Variants in PACRG observed in about 807,000 individuals in gnomAD.
PACRG encodes the protein parkin coregulated, also known as parkin coregulated gene protein.
A neutral mutation model predicts 29.7 loss-of-function variants in PACRG; 29 were observed. The observed-to-expected ratio is 0.98, with a 90% CI of 0.73 to 1.33. The LOEUF is 1.33. Among genes scored for constraint, PACRG ranks in the 40% most tolerant of loss-of-function variants. The pLI is 0.00. For missense variants in PACRG, 279 were observed against 316.2 expected (o/e 0.88, Z 0.89); for synonymous variants, 116 against 118.7 (o/e 0.98, Z 0.15).
chr6:163,176,781 A>G (rs911236376), intron 4 of PACRG, among the ~76,000 whole-genome samples: 2 of 152,256 alleles, frequency 1.3e-5, no homozygotes, highest in African/African-American at 4.8e-5. Context: ...AGGCTAAGGA[A>G]ATAGCGTGAG....
intron 1 of PACRG, among the ~76,000 whole-genome samples, chr6:162,810,591 A>C (rs1271942734): frequency 6.6e-6 from 1 of 152,188 alleles, no homozygotes; most frequent in Non-Finnish European, 1.5e-5. Context: ...TCAGAAAAGA[A>C]ATAGACGATA....
At chr6:163,230,464 T>G (rs1347885223) in intron 4 of PACRG, among the ~76,000 whole-genome samples, 1 of 151,962 alleles carries the variant, frequency 6.6e-6, no homozygotes, top group Non-Finnish European at 1.5e-5. Flanking sequence ...TTCCTCCTCC[T>G]ATTTTAAGTT....
intron 2 of PACRG, among the ~76,000 whole-genome samples, chr6:163,018,200 A>G (rs923399960): frequency 6.6e-6 from 1 of 152,090 alleles, no homozygotes; most frequent in Non-Finnish European, 1.5e-5. Context: ...CAAACATTCT[A>G]CTTTTTACAT....
chr6:162,782,178 A>T (rs1480368269), intron 1 of PACRG, among the ~76,000 whole-genome samples: 2 of 151,934 alleles, frequency 1.3e-5, no homozygotes, highest in Admixed American at 1.3e-4. Flanking sequence ...GGATCATTAC[A>T]TCGGAATAAA....
At chr6:162,879,140 A>G (rs1793617614) in intron 2 of PACRG, among the ~76,000 whole-genome samples, 1 of 152,188 alleles carries the variant, frequency 6.6e-6, no homozygotes, top group Non-Finnish European at 1.5e-5. Flanking sequence ...TCTCTATCAA[A>G]TCACAAGAAC....
intron 4 of PACRG, among the ~76,000 whole-genome samples, chr6:163,264,865 T>C (rs1393793846): frequency 6.6e-6 from 1 of 152,114 alleles, no homozygotes; most frequent in African/African-American, 2.4e-5. Context: ...GAAACGAGTC[T>C]TTCGCAAGTA....
At chr6:162,794,065 T>G (rs1785171588) in intron 1 of PACRG, among the ~76,000 whole-genome samples, 1 of 152,182 alleles carries the variant, frequency 6.6e-6, no homozygotes, top group South Asian at 2.1e-4. Flanking sequence ...GTTTCCAAAG[T>G]GTATCCATTT....
At chr6:162,998,191 A>G (rs768853372) in intron 2 of PACRG, among the ~76,000 whole-genome samples, 8 of 152,204 alleles carry the variant, frequency 5.3e-5, no homozygotes, top group Non-Finnish European at 1.2e-4. Context: ...CACCCAGGTG[A>G]ACGATTTTCT....
intron 2 of PACRG, among the ~76,000 whole-genome samples, chr6:162,907,380 A>G (rs981752989): frequency 5.9e-5 from 9 of 152,184 alleles, no homozygotes; most frequent in Non-Finnish European, 1.2e-4. Context: ...GAAATTAAAC[A>G]ATTTTTCTTT....
At chr6:162,982,387 G>A (rs1219352077) in intron 2 of PACRG, among the ~76,000 whole-genome samples, 1 of 151,810 alleles carries the variant, frequency 6.6e-6, no homozygotes, top group Non-Finnish European at 1.5e-5. Context: ...CTTGAGGTGT[G>A]ATGTTAAATT....
At chr6:162,950,368 C>T (rs955228201) in intron 2 of PACRG, among the ~76,000 whole-genome samples, 3 of 152,124 alleles carry the variant, frequency 2.0e-5, no homozygotes, top group African/African-American at 7.2e-5. Flanking sequence ...ATTAGCCGGG[C>T]GTGGTGGCGA....
At chr6:162,798,870 A>T (rs1785602068) in intron 1 of PACRG, among the ~76,000 whole-genome samples, 1 of 152,250 alleles carries the variant, frequency 6.6e-6, no homozygotes, top group Non-Finnish European at 1.5e-5. Context: ...ATACAAGTAT[A>T]TGGAATGCCT....
chr6:162,863,071 TGG>T (rs2128443618), intron 2 of PACRG, among the ~76,000 whole-genome samples: 1 of 152,032 alleles, frequency 6.6e-6, no homozygotes, highest in South Asian at 2.1e-4. Context: ...CAGTATAGAG[TGG>T]AAAAAGCCTG....
chr6:163,062,569 A>G (rs1811184821), intron 3 of PACRG, among the ~76,000 whole-genome samples: 1 of 152,214 alleles, frequency 6.6e-6, no homozygotes, highest in Admixed American at 6.5e-5. Flanking sequence ...AATGCCTCAC[A>G]GTAATGACAT....
At chr6:162,843,166 T>C in intron 2 of PACRG, among the ~76,000 whole-genome samples, 1 of 133,382 alleles carries the variant, frequency 7.5e-6, no homozygotes, top group Non-Finnish European at 1.6e-5. Context: ...TTGGGGAAGT[T>C]CTCCTGGATA....
intron 4 of PACRG, among the ~76,000 whole-genome samples, chr6:163,202,594 G>A (rs941536128): frequency 3.3e-5 from 5 of 152,142 alleles, no homozygotes; most frequent in African/African-American, 1.2e-4. Flanking sequence ...TCTGTTCTCA[G>A]AGTTCAAAGA....
At chr6:162,976,487 T>A (rs893494651) in intron 2 of PACRG, among the ~76,000 whole-genome samples, 4 of 152,130 alleles carry the variant, frequency 2.6e-5, no homozygotes, top group African/African-American at 9.7e-5. Flanking sequence ...CAGGTTCTTA[T>A]AATGAATGAG....
intron 2 of PACRG, among the ~76,000 whole-genome samples, chr6:163,034,797 C>A (rs1482673167): frequency 6.6e-6 from 1 of 152,112 alleles, no homozygotes; most frequent in Non-Finnish European, 1.5e-5. Flanking sequence ...ATCCAGACCC[C>A]AAGAGAGGGT....
intron 1 of PACRG, among the ~76,000 whole-genome samples, chr6:162,803,129 A>G (rs1207794932): frequency 1.3e-5 from 2 of 152,124 alleles, no homozygotes; most frequent in African/African-American, 4.8e-5. Context: ...GAAGGATCAA[A>G]CCCCACTTCA....
Sources: gnomAD v4.1 joint callset for allele counts (sites outside exome capture counted in the v4.1 genomes callset) on GRCh38, gnomAD v4.1.1 for gene constraint, MANE v1.5 for transcripts, NCBI Gene and HGNC (gene_info 2026-07-23, HGNC 2026-07-21) for gene names.